Variants in PGLYRP3 observed in about 807,000 individuals in gnomAD.
PGLYRP3 encodes the protein peptidoglycan recognition protein I alpha.
A neutral mutation model predicts 36.0 loss-of-function variants in PGLYRP3; 39 were observed. The ratio of observed to expected loss-of-function variants is 1.08; its 90% CI spans 0.84 to 1.41. The LOEUF (loss-of-function observed/expected upper bound fraction) is 1.41, where lower values mean the gene tolerates loss of function less well. Ranked by LOEUF, PGLYRP3 falls within the 40% of genes most tolerant of loss-of-function variation. The probability of loss-of-function intolerance (pLI) is 0.00; values close to 1 mark genes in which losing one functional copy is unlikely to be tolerated. For missense variants in PGLYRP3, 407 were observed against 427.9 expected, an observed-to-expected ratio of 0.95 and a Z score of 0.43; for synonymous variants, 204 against 172.8, an observed-to-expected ratio of 1.18 and a Z score of -1.42.
chr1:153,298,133 T>C lies in PGLYRP3; in HGVS notation c.849A>G (p.Glu283=). The C allele has an allele frequency of 6.2e-7, 1 of 1,613,746 alleles. No homozygotes were observed. Among genetic ancestry groups the C allele is most frequent in the African/African-American group, 1.3e-5 (1 of 74,952 alleles). Reference sequence around the variant, plus strand: ...CCAGCGCTGCAGCATTTGGAGGCTTTTCTGCAAAACACATTTTCCCCATCA... The same window carrying C: ...CCAGCGCTGCAGCATTTGGAGGCTTCTCTGCAAAACACATTTTCCCCATCA... ...LGIAFIGYFV[E]KPPNAAALEA... is the part of the protein sequence containing the mutation. Residue 283 remains glutamate (E), a splice_region_variant and synonymous_variant, in exon 8 of 8, where the codon GAA becomes GAG. Transcript: ENST00000683862.
Position 153,297,581 on chromosome 1 carries a change from G to GAAAGAAAGAAAGAAAGAAAGAAAGAAGGA in PGLYRP3, c.*374_*375insTCCTTCTTTCTTTCTTTCTTTCTTTCTTT, listed in dbSNP as rs918244220. ...AAAGAAAAAGAAAGAAAGAAAGAAAGAAGAAAGAAAGAAAGAAAGAAAGAG... is the reference window on the plus strand; with the variant it reads ...AAAGAAAAAGAAAGAAAGAAAGAAAGAAAGAAAGAAAGAAAGAAAGAAAGAAGGAAAGAAAGAAAGAAAGAAAGAAAGAG... On this transcript the variant is annotated 3_prime_UTR_variant, in exon 8 of 8. Transcript: ENST00000683862. Among the ~76,000 whole-genome samples the GAAAGAAAGAAAGAAAGAAAGAAAGAAGGA allele has an allele frequency of 1.0e-4, 5 of 48,470 alleles. No homozygotes were observed. Among genetic ancestry groups the GAAAGAAAGAAAGAAAGAAAGAAAGAAGGA allele is most frequent in the African/African-American group, 3.4e-4 (5 of 14,570 alleles). 31.8% of individuals were successfully genotyped at this position (48,470 alleles called of 152,430 possible).
chr1:153,303,210 C>T (rs546250248), intron 5 of PGLYRP3, among the ~76,000 whole-genome samples: 2 of 152,208 alleles, frequency 1.3e-5, no homozygotes, highest in African/African-American at 2.4e-5. Context: ...TGCTTATTCA[C>T]TTCAAAATAG....
chr1:153,302,604 C>A lies in PGLYRP3; in HGVS notation c.533G>T (p.Cys178Phe), dbSNP rs781714620. The change falls in exon 6 of 8, where the codon TGC becomes TTC. Residue 178 changes from cysteine (C) to phenylalanine (F), a missense_variant. Transcript: ENST00000683862. ...AGCAGATCGTTTGATGATGTTGGGG[C>A]AAACTGTGGTAAAATGAAAAGCCAA... ...PQHPVMPRKV[C>F]PNIIKRSAWE... 8 of 1,613,876 alleles carry A rather than the reference C, an allele frequency of 5.0e-6. No homozygotes were observed. The highest frequency in any genetic ancestry group is 2.2e-5 in the South Asian group (2 of 91,068).
chr1:153,297,874 G>A lies in PGLYRP3; in HGVS notation c.*82C>T. 2 of 1,478,436 alleles carry A rather than the reference G, an allele frequency of 1.4e-6. No homozygotes were observed. Among genetic ancestry groups the A allele is most frequent in the African/African-American group, 1.4e-5 (1 of 71,838 alleles). 91.6% of individuals were successfully genotyped at this position (1,478,436 alleles called of 1,614,324 possible). ...GGGCTGGCAGGGGAGGGGGACACAAGGTGCTGAGCCACCTTGGCTGGTGAG... is the reference window on the plus strand; with the variant it reads ...GGGCTGGCAGGGGAGGGGGACACAAAGTGCTGAGCCACCTTGGCTGGTGAG... On this transcript the variant is annotated 3_prime_UTR_variant, in exon 8 of 8. Coordinates refer to ENST00000683862, the MANE Select transcript of PGLYRP3 (RefSeq NM_052891.3).
Position 153,311,136 on chromosome 1 carries a change from G to A in PGLYRP3, c.-41-430C>T, listed in dbSNP as rs140335806. On this transcript the variant is annotated intron_variant, in intron 1 of 7. Coordinates refer to ENST00000683862, the MANE Select transcript of PGLYRP3 (RefSeq NM_052891.3). ...GCTCAGATGGAGTGAACTACAAGCA[G>A]AAGCAGGCTTGGCTTCGCCCCCTGC... Among the ~76,000 whole-genome samples, 742 of 152,170 alleles carry A rather than the reference G, an allele frequency of 4.9e-3. 7 individuals are homozygous for A. The highest frequency in any genetic ancestry group is 0.017 in the African/African-American group (717 of 41,522).
rs1442674212 is a variant in PGLYRP3 at position 153,312,795 on chromosome 1, T to G, written c.-194A>C. Among the ~76,000 whole-genome samples, 2 of 152,174 alleles carry G rather than the reference T, an allele frequency of 1.3e-5. No individual in the cohort carries two copies. The highest frequency in any genetic ancestry group is 2.9e-5 in the Non-Finnish European group (2 of 68,000). On this transcript the variant is annotated 5_prime_UTR_variant, in exon 1 of 8. Transcript: ENST00000683862. ...CTCAGGCCTTCACTCCCCCTGGCCC[T>G]AGAGGGCACTCCCTCCCTGGGAATG... is the stretch of plus-strand genomic sequence containing the variant.
At chr1:153,306,957 C>CA (rs1037730220) in intron 3 of PGLYRP3, 109 bp downstream of exon 3, 1 of 1,086,932 alleles carries the variant, frequency 9.2e-7, no homozygotes, top group African/African-American at 1.6e-5. Flanking sequence ...CTATTCATTA[C>CA]AAAAGCAATG....
chr1:153,306,873 A>G (rs1659750270), intron 3 of PGLYRP3, among the ~76,000 whole-genome samples, 193 bp downstream of exon 3: 1 of 152,202 alleles, frequency 6.6e-6, no homozygotes, highest in African/African-American at 2.4e-5. Context: ...AGCCACTTAA[A>G]TAAGTGGCTT....
At chr1:153,302,707 C>A in intron 5 of PGLYRP3, 100 bp from the exon 6 acceptor site, 1 of 1,102,162 alleles carries the variant, frequency 9.1e-7, no homozygotes. Context: ...CTCTCCCAGG[C>A]CTCCAGCACC....
In PGLYRP3 at chr1:153,298,110, A is replaced by G; in HGVS notation, c.872T>C (p.Leu291Pro). The change falls in exon 8 of 8, where the codon CTG becomes CCG. Residue 291 changes from leucine to proline, a missense_variant. Transcript: ENST00000683862. ...FVEKPPNAAALEAAQDLIQCA... is the reference protein window; with the variant it reads ...FVEKPPNAAAPEAAQDLIQCA... ...CTGGATCAGGTCCTGGGCCGCCTCC[A>G]GCGCTGCAGCATTTGGAGGCTTTTC... 1.2e-6 allele frequency: 2 copies of G among 1,613,748 alleles called. No homozygotes were observed. Among genetic ancestry groups the G allele is most frequent in the Non-Finnish European group, 1.7e-6 (2 of 1,179,942 alleles).
Position 153,310,667 on chromosome 1 carries a change from T to C in PGLYRP3, c.-2A>G. ...AAGAAGCCATGGCAGCGTCCCCATGTGGTCCCAGGACTCTGACCGGGAGAG... is the reference window on the plus strand; with the variant it reads ...AAGAAGCCATGGCAGCGTCCCCATGCGGTCCCAGGACTCTGACCGGGAGAG... On this transcript the variant is annotated 5_prime_UTR_variant, in exon 2 of 8. Coordinates refer to ENST00000683862, the MANE Select transcript of PGLYRP3 (RefSeq NM_052891.3). 2 of 1,614,056 alleles carry C rather than the reference T, an allele frequency of 1.2e-6. No individual in the cohort carries two copies. The highest frequency in any genetic ancestry group is 4.5e-5 in the East Asian group (2 of 44,874).
intron 6 of PGLYRP3, 93 bp downstream of exon 6, chr1:153,302,316 G>A: frequency 7.2e-7 from 1 of 1,398,328 alleles, no homozygotes; most frequent in East Asian, 2.3e-5. Flanking sequence ...CCAGCCCAAA[G>A]GAGAGGCTCA....
chr1:153,297,485 C>T lies in PGLYRP3; in HGVS notation c.*471G>A, dbSNP rs28731178. ...GAGAGAGAGAGAGAGAGTGAGAAAG[C>T]AAGAAAGAAGGTGAAAGGAAGGAAG... On this transcript the variant is annotated 3_prime_UTR_variant, in exon 8 of 8. Coordinates refer to ENST00000683862, the MANE Select transcript of PGLYRP3 (RefSeq NM_052891.3). Among the ~76,000 whole-genome samples, 4 of 67,876 alleles carry T rather than the reference C, an allele frequency of 5.9e-5. No individual in the cohort carries two copies. The highest frequency in any genetic ancestry group is 2.3e-4 in the African/African-American group (4 of 17,382). 44.5% of individuals were successfully genotyped at this position (67,876 alleles called of 152,430 possible). A position where few individuals can be genotyped will look rare whatever the true frequency, so the allele number is the denominator to read the frequency against.
chr1:153,302,397 G>T lies in PGLYRP3; in HGVS notation c.728+12C>A. 5 of 1,613,460 alleles carry T rather than the reference G, an allele frequency of 3.1e-6. No individual in the cohort carries two copies. The highest frequency in any genetic ancestry group is 4.2e-6 in the Non-Finnish European group (5 of 1,179,442). On this transcript the variant is annotated intron_variant, in intron 6 of 7. Transcript: ENST00000683862. The stretch of plus-strand genomic sequence containing the variant: ...AGAAAAAGAGGGTTCTTTTGGCATT[G>T]ATCCCACTTACTGATATCCAATGTC...
At position 153,298,074 on chromosome 1, in the gene PGLYRP3, A is replaced by G. The variant is rs1557805938; in HGVS notation, c.908T>C (p.Val303Ala). ...GTAGTTTGGAGTCAGGTACCCCTCAACCACGGCACACTGGATCAGGTCCTG... is the reference window on the plus strand; with the variant it reads ...GTAGTTTGGAGTCAGGTACCCCTCAGCCACGGCACACTGGATCAGGTCCTG... The part of the protein sequence containing the change: ...AAQDLIQCAV[V>A]EGYLTPNYLL... Residue 303 changes from valine to alanine, a missense_variant, in exon 8 of 8, where the codon GTT (valine) becomes GCT (alanine). Coordinates refer to ENST00000683862, the MANE Select transcript of PGLYRP3 (RefSeq NM_052891.3). The G allele has an allele frequency of 1.2e-6, 2 of 1,614,102 alleles. No homozygotes were observed. The highest frequency in any genetic ancestry group is 2.2e-5 in the East Asian group (1 of 44,874).
chr1:153,297,571 A>G lies in PGLYRP3; in HGVS notation c.*385T>C, dbSNP rs1456306021. ...GGAAGGAAAGAAAGAAAAAGAAAGA[A>G]AGAAAGAAAGAAGAAAGAAAGAAAG... On this transcript the variant is annotated 3_prime_UTR_variant, in exon 8 of 8. Coordinates refer to ENST00000683862, the MANE Select transcript of PGLYRP3 (RefSeq NM_052891.3). 1.8e-4 allele frequency among the ~76,000 whole-genome samples: 19 copies of G among 103,170 alleles called. 2 individuals are homozygous for G. Among genetic ancestry groups the G allele is most frequent in the African/African-American group, 7.0e-4 (18 of 25,788 alleles). 67.7% of individuals were successfully genotyped at this position (103,170 alleles called of 152,430 possible).
At chr1:153,307,299 A>G (rs1449455929) in intron 2 of PGLYRP3, 32 bp from the exon 3 acceptor site, 2 of 1,553,320 alleles carry the variant, frequency 1.3e-6, no homozygotes, top group Non-Finnish European at 1.7e-6. Context: ...GGCACATAGC[A>G]GGCCCTGCCC....
At chr1:153,308,044 CA>C (rs1164116028) in intron 2 of PGLYRP3, among the ~76,000 whole-genome samples, 1 of 150,530 alleles carries the variant, frequency 6.6e-6, no homozygotes, top group Non-Finnish European at 1.5e-5. Flanking sequence ...ACCCAGGCTG[CA>C]GTGCAGTGGC....
chr1:153,305,165 G>C (rs978054246), intron 3 of PGLYRP3, 100 bp from the exon 4 acceptor site: 3 of 888,750 alleles, frequency 3.4e-6, no homozygotes, highest in Non-Finnish European at 5.3e-6. Flanking sequence ...TCATAAGTAA[G>C]TACTATGTTC....
Sources: allele counts gnomAD v4.1 joint callset (sites outside exome capture counted in the v4.1 genomes callset), GRCh38; gene constraint gnomAD v4.1.1; transcripts MANE v1.5; gene names NCBI Gene and HGNC (gene_info 2026-07-23, HGNC 2026-07-21).